NTN1: variants seen among roughly 807,000 people sequenced by gnomAD.
NTN1 encodes netrin-1.
Under a neutral mutation model 54.2 loss-of-function variants are expected in NTN1, and 11 were observed. The ratio of observed to expected loss-of-function variants is 0.20; its 90% CI spans 0.13 to 0.34. The LOEUF (loss-of-function observed/expected upper bound fraction) is 0.34. NTN1 is among the 10% of genes least tolerant of loss of function. The pLI is 1.00. For missense variants in NTN1, 740 were observed against 893.1 expected (o/e 0.83, Z 2.18); for synonymous variants, 371 against 382.0 (o/e 0.97, Z 0.33).
At chr17:9,028,509 T>G (rs1321432374) in intron 2 of NTN1, among the ~76,000 whole-genome samples, 1 of 152,162 alleles carries the variant, frequency 6.6e-6, no homozygotes, top group Non-Finnish European at 1.5e-5. Context: ...GTGCTCTCTA[T>G]TAGCCCTGCC....
chr17:9,122,286 G>C (rs879880610), intron 2 of NTN1, among the ~76,000 whole-genome samples: 5 of 151,980 alleles, frequency 3.3e-5, no homozygotes. Context: ...CGCCCGCCTC[G>C]GCCTCCCAAA....
At chr17:9,024,701 G>A (rs2091864344) in intron 2 of NTN1, among the ~76,000 whole-genome samples, 1 of 152,236 alleles carries the variant, frequency 6.6e-6, no homozygotes, top group African/African-American at 2.4e-5. Context: ...CAGGCGTCCT[G>A]GTCTGAAGAC....
chr17:9,181,970 A>T (rs1379348094), intron 4 of NTN1, among the ~76,000 whole-genome samples: 1 of 152,104 alleles, frequency 6.6e-6, no homozygotes, highest in Non-Finnish European at 1.5e-5. Context: ...CTGCTTTTTA[A>T]ATATTTATTA....
intron 2 of NTN1, among the ~76,000 whole-genome samples, chr17:9,147,309 T>C (rs941251533): frequency 6.6e-6 from 1 of 152,064 alleles, no homozygotes; most frequent in Non-Finnish European, 1.5e-5. Context: ...ATCGAGACCA[T>C]CCTGGCTAAC....
At chr17:9,103,679 C>A (rs2092157228) in intron 2 of NTN1, among the ~76,000 whole-genome samples, 1 of 152,022 alleles carries the variant, frequency 6.6e-6, no homozygotes, top group Non-Finnish European at 1.5e-5. Context: ...TGGACTAATA[C>A]AACATACAAT....
chr17:9,212,402 G>A lies in NTN1; in HGVS notation c.1412-8766G>A, dbSNP rs570761512. ...GGATGCCTGCGGCACCTTGAAAACCGAACACATGGAAATCTGGACTCTCTG... is the reference window on the plus strand; with the variant it reads ...GGATGCCTGCGGCACCTTGAAAACCAAACACATGGAAATCTGGACTCTCTG... On this transcript the variant is annotated intron_variant, in intron 5 of 6. Coordinates refer to ENST00000173229, the MANE Select transcript of NTN1 (RefSeq NM_004822.3). The surrounding 1 kb of genome is among the most constrained non-coding windows in gnomAD (Gnocchi z 5.5). 3.3e-4 allele frequency among the ~76,000 whole-genome samples: 50 copies of A among 152,274 alleles called. No individual in the cohort carries two copies. Among genetic ancestry groups the A allele is most frequent in the Non-Finnish European group, 5.9e-4 (40 of 68,008 alleles).
In NTN1 at chr17:9,215,808, T is replaced by C. The variant is rs145806329; in HGVS notation, c.1412-5360T>C. 8.4e-3 allele frequency among the ~76,000 whole-genome samples: 1,285 copies of C among 152,346 alleles called. 13 individuals carry two copies. The highest frequency in any genetic ancestry group is 0.029 in the African/African-American group (1,217 of 41,574). ...ATGTGTCTGGATGTTGGTCCCCTTT[T>C]GTTGATTTTTGGAAAACTTCAGTGA... On this transcript the variant is annotated intron_variant, in intron 5 of 6. Coordinates refer to ENST00000173229, the MANE Select transcript of NTN1 (RefSeq NM_004822.3).
intron 6 of NTN1, among the ~76,000 whole-genome samples, chr17:9,230,060 G>T (rs1459524067): frequency 5.3e-5 from 3 of 57,040 alleles, no homozygotes; most frequent in African/African-American, 3.1e-4. Context: ...AGCAAATGAC[G>T]GACTCTTCCC....
rs377566380 is a variant in NTN1, at chr17:9,037,387, T to C, written c.1018+13996T>C. Among the ~76,000 whole-genome samples, 39 of 152,308 alleles carry C rather than the reference T, an allele frequency of 2.6e-4. 1 individual carries two copies. Among genetic ancestry groups the C allele is most frequent in the African/African-American group, 9.1e-4 (38 of 41,562 alleles). On this transcript the variant is annotated intron_variant, in intron 2 of 6. Coordinates refer to ENST00000173229, the MANE Select transcript of NTN1 (RefSeq NM_004822.3). Reference sequence around the variant, plus strand: ...CTTTGCTCATGGTGAATGATTTCCTTATGTGTTTTGTACTTTCTGACTGTG... The same window carrying C: ...CTTTGCTCATGGTGAATGATTTCCTCATGTGTTTTGTACTTTCTGACTGTG...
At chr17:9,225,714 G>T (rs920390825) in intron 6 of NTN1, among the ~76,000 whole-genome samples, 1 of 147,800 alleles carries the variant, frequency 6.8e-6, no homozygotes, top group Non-Finnish European at 1.5e-5. Flanking sequence ...CCGCCAAACC[G>T]GGCGGGCCAG....
At chr17:9,208,056 A>AC (rs1905012792) in intron 5 of NTN1, among the ~76,000 whole-genome samples, 1 of 151,980 alleles carries the variant, frequency 6.6e-6, no homozygotes, top group East Asian at 1.9e-4. Context: ...ATATGGTGAA[A>AC]CCCCATCTCT....
At chr17:9,032,026 G>A (rs1400818373) in intron 2 of NTN1, among the ~76,000 whole-genome samples, 1 of 152,094 alleles carries the variant, frequency 6.6e-6, no homozygotes, top group Non-Finnish European at 1.5e-5. Flanking sequence ...CTCCCTGCAG[G>A]TGAAATATGT....
chr17:9,090,783 C>G (rs2092107744), intron 2 of NTN1, among the ~76,000 whole-genome samples: 1 of 152,054 alleles, frequency 6.6e-6, no homozygotes, highest in Non-Finnish European at 1.5e-5. Flanking sequence ...GACTGGGAGC[C>G]AAGAGAAGGG....
chr17:9,109,876 G>A (rs189563397), intron 2 of NTN1, among the ~76,000 whole-genome samples: 1 of 152,330 alleles, frequency 6.6e-6, no homozygotes, highest in Admixed American at 6.5e-5. Context: ...GTGAGGTTAA[G>A]CATCTTTTCA....
intron 5 of NTN1, among the ~76,000 whole-genome samples, chr17:9,203,666 G>C (rs977006207): frequency 5.3e-5 from 8 of 152,108 alleles, no homozygotes; most frequent in Non-Finnish European, 1.0e-4. Flanking sequence ...AGCCAGGCGT[G>C]GTGGTGGGCG....
At chr17:9,201,915 T>C (rs1008655444) in intron 5 of NTN1, among the ~76,000 whole-genome samples, 19 of 149,276 alleles carry the variant, frequency 1.3e-4, no homozygotes, top group East Asian at 5.9e-4. Flanking sequence ...GGGCCGGGCG[T>C]GGTGGCTCAC....
At chr17:9,164,592 T>C (rs190473900) in intron 3 of NTN1, among the ~76,000 whole-genome samples, 44 of 152,288 alleles carry the variant, frequency 2.9e-4, no homozygotes, top group African/African-American at 1.0e-3. Flanking sequence ...CAGCCCTGCT[T>C]ATGTGGAACA....
intron 5 of NTN1, among the ~76,000 whole-genome samples, chr17:9,204,220 CTTTT>C (rs1205450130): frequency 2.6e-5 from 4 of 151,196 alleles, no homozygotes; most frequent in Non-Finnish European, 5.9e-5. Context: ...TCCTTCCTTC[CTTTT>C]CTTTCTCTTC....
chr17:9,139,972 C>T (rs779070616), intron 2 of NTN1, among the ~76,000 whole-genome samples: 3 of 152,040 alleles, frequency 2.0e-5, no homozygotes, highest in Non-Finnish European at 2.9e-5. Context: ...ATCCATCTAT[C>T]CAAAATAAAA....
Sources: allele counts gnomAD v4.1 joint callset (sites outside exome capture counted in the v4.1 genomes callset), GRCh38; gene constraint gnomAD v4.1.1; non-coding constraint Gnocchi (gnomAD v3.1); transcripts MANE v1.5; gene names NCBI Gene and HGNC (gene_info 2026-07-23, HGNC 2026-07-21).